GHR: variants seen among roughly 807,000 people sequenced by gnomAD.
GHR encodes the protein growth hormone receptor.
A neutral mutation model predicts 67.1 loss-of-function variants in GHR; 35 were observed. That is an observed-to-expected ratio of 0.52 (90% CI 0.40 to 0.69). The LOEUF is 0.69. Among genes scored for constraint, GHR ranks in the 30% least tolerant of loss-of-function variants. The probability of loss-of-function intolerance (pLI) is 0.00; values close to 1 mark genes in which losing one functional copy is unlikely to be tolerated. For synonymous variants in GHR, 272 were observed against 269.1 expected, an observed-to-expected ratio of 1.01 and a Z score of -0.10; for missense variants, 792 against 764.6, an observed-to-expected ratio of 1.04 and a Z score of -0.42.
chr5:42,700,158 T>C (rs1436723982), intron 6 of GHR, among the ~76,000 whole-genome samples, 156 bp downstream of exon 6: 1 of 152,194 alleles, frequency 6.6e-6, no homozygotes, highest in East Asian at 1.9e-4. Context: ...ACCGGTAAAA[T>C]ATTGTCTTGA....
intron 1 of GHR, chr5:42,468,027 A>T: frequency 1.2e-6 from 1 of 801,400 alleles, no homozygotes. Flanking sequence ...TCAGGTCCTT[A>T]AGGATCAGCT....
intron 2 of GHR, among the ~76,000 whole-genome samples, chr5:42,582,817 T>A (rs1751250480): frequency 6.6e-6 from 1 of 152,140 alleles, no homozygotes; most frequent in Admixed American, 6.5e-5. Flanking sequence ...TTTGCGTACA[T>A]CAGATGCAGC....
intron 1 of GHR, among the ~76,000 whole-genome samples, chr5:42,451,321 G>A (rs1744038243): frequency 6.6e-6 from 1 of 150,976 alleles, no homozygotes; most frequent in Admixed American, 6.6e-5. Context: ...ACTGTTAGAT[G>A]CATATATATT....
At chr5:42,487,790 A>G (rs1040603206) in intron 1 of GHR, among the ~76,000 whole-genome samples, 2 of 152,230 alleles carry the variant, frequency 1.3e-5, no homozygotes, top group Admixed American at 6.5e-5. Flanking sequence ...TTGTATTTAA[A>G]ATACTAATAA....
chr5:42,483,535 C>T (rs963628741), intron 1 of GHR, among the ~76,000 whole-genome samples: 1 of 150,994 alleles, frequency 6.6e-6, no homozygotes, highest in East Asian at 1.9e-4. Flanking sequence ...TCACAACATC[C>T]AAAATAATTA....
intron 3 of GHR, among the ~76,000 whole-genome samples, chr5:42,679,507 C>G (rs1033634417): frequency 6.6e-6 from 1 of 151,908 alleles, no homozygotes; most frequent in Non-Finnish European, 1.5e-5. Flanking sequence ...CACCTGTAGT[C>G]CCAGCTATGC....
In GHR at chr5:42,472,232, A is replaced by G. The variant is rs149773443; in HGVS notation, c.-12+48277A>G. On this transcript the variant is annotated intron_variant, in intron 1 of 9. Coordinates refer to ENST00000230882, the MANE Select transcript of GHR (RefSeq NM_000163.5). ...TAAGATGCTTTACTTCTGGAGATGT[A>G]TGCTTTACTTCTACTTAGAGAATCT... Among the ~76,000 whole-genome samples, 430 of 152,310 alleles carry G rather than the reference A, an allele frequency of 2.8e-3. 1 individual carries two copies. The highest frequency in any genetic ancestry group is 9.5e-3 in the African/African-American group (395 of 41,572).
chr5:42,444,004 G>GATAGAT (rs149152940), intron 1 of GHR, among the ~76,000 whole-genome samples: 16 of 147,414 alleles, frequency 1.1e-4, no homozygotes, highest in African/African-American at 1.5e-4. Context: ...CATAGACATA[G>GATAGAT]ATAGATATAG....
chr5:42,603,098 G>A (rs1374881179), intron 2 of GHR, among the ~76,000 whole-genome samples: 1 of 151,848 alleles, frequency 6.6e-6, no homozygotes, highest in East Asian at 1.9e-4. Flanking sequence ...TATTTTTGAA[G>A]GACAGGATTG....
intron 2 of GHR, among the ~76,000 whole-genome samples, chr5:42,621,646 T>C (rs1340606193): frequency 6.6e-6 from 1 of 152,230 alleles, no homozygotes; most frequent in South Asian, 2.1e-4. Flanking sequence ...AAAATGTGGC[T>C]ACTGCAGATG....
intron 2 of GHR, among the ~76,000 whole-genome samples, chr5:42,615,422 T>C: frequency 6.6e-6 from 1 of 152,094 alleles, no homozygotes; most frequent in Non-Finnish European, 1.5e-5. Context: ...AGATTGTAAC[T>C]TCTAAGCTCA....
In GHR at chr5:42,424,889, T is replaced by A; in HGVS notation, c.-12+934T>A. 1 of 513,122 alleles carries A rather than the reference T, an allele frequency of 1.9e-6. No homozygotes were observed. Among genetic ancestry groups the A allele is most frequent in the African/African-American group, 2.1e-5 (1 of 48,330 alleles). 31.8% of individuals were successfully genotyped at this position (513,122 alleles called of 1,614,324 possible). A position where few individuals can be genotyped will look rare whatever the true frequency, so the allele number is the denominator to read the frequency against. ...GCGCGGACTGTGTGTCCTGAATGAG[T>A]GTACGTGTGCGCTGTGTGTGCGCGC... On this transcript the variant is annotated intron_variant, in intron 1 of 9. Coordinates refer to ENST00000230882, the MANE Select transcript of GHR (RefSeq NM_000163.5). This position sits in a 1 kb window ranked among gnomAD's most constrained non-coding sequence, Gnocchi z 4.1.
intron 1 of GHR, chr5:42,514,011 T>C: frequency 1.7e-6 from 1 of 587,886 alleles, no homozygotes; most frequent in Non-Finnish European, 2.1e-6. Context: ...GAAAAAATGA[T>C]TTTATTACTT....
At chr5:42,714,511 A>G (rs1057027843) in intron 8 of GHR, among the ~76,000 whole-genome samples, 3 of 152,222 alleles carry the variant, frequency 2.0e-5, no homozygotes, top group Admixed American at 6.5e-5. Flanking sequence ...TCAAAACAGA[A>G]TTTTGTTAGG....
At chr5:42,445,104 T>G (rs575394525) in intron 1 of GHR, among the ~76,000 whole-genome samples, 2 of 152,228 alleles carry the variant, frequency 1.3e-5, no homozygotes, top group African/African-American at 4.8e-5. Context: ...ATTTTTAAAT[T>G]TCATCGAAGA....
At chr5:42,680,186 C>T (rs1006573942) in intron 3 of GHR, among the ~76,000 whole-genome samples, 1 of 152,220 alleles carries the variant, frequency 6.6e-6, no homozygotes, top group African/African-American at 2.4e-5. Context: ...ATTATGGTTT[C>T]ACCACAGTTG....
intron 1 of GHR, among the ~76,000 whole-genome samples, chr5:42,446,758 T>C (rs1392781017): frequency 1.3e-5 from 2 of 152,228 alleles, no homozygotes; most frequent in Admixed American, 1.3e-4. Context: ...TATCACCAAA[T>C]CTTTTGAGAT....
At position 42,721,251 on chromosome 5, in the gene GHR, A is replaced by G. The variant is rs918437668; in HGVS notation, c.*1827A>G. On this transcript the variant is annotated 3_prime_UTR_variant, in exon 10 of 10. Coordinates refer to ENST00000230882, the MANE Select transcript of GHR (RefSeq NM_000163.5). ...AAACATCATTCTTGAGAGCATTGGG[A>G]TATCTCCTGAAAAGGTTTATGAAAA... is the stretch of plus-strand genomic sequence containing the variant. The G allele has an allele frequency of 3.3e-5, 5 of 152,152 alleles. No homozygotes were observed. Among genetic ancestry groups the G allele is most frequent in the African/African-American group, 1.2e-4 (5 of 41,450 alleles). 9.4% of individuals were successfully genotyped at this position (152,152 alleles called of 1,614,324 possible). A position where few individuals can be genotyped will look rare whatever the true frequency, so the allele number is the denominator to read the frequency against.
At chr5:42,644,254 G>A (rs1387295144) in intron 3 of GHR, among the ~76,000 whole-genome samples, 1 of 152,112 alleles carries the variant, frequency 6.6e-6, no homozygotes, top group Non-Finnish European at 1.5e-5. Flanking sequence ...GTTGAAAATT[G>A]TTGATGAACA....
Sources: gnomAD v4.1 joint callset for allele counts (sites outside exome capture counted in the v4.1 genomes callset) on GRCh38, gnomAD v4.1.1 for gene constraint, Gnocchi (gnomAD v3.1) non-coding constraint, MANE v1.5 for transcripts, NCBI Gene and HGNC (gene_info 2026-07-23, HGNC 2026-07-21) for gene names.